SPOCK1: variants seen among roughly 807,000 people sequenced by gnomAD.
SPOCK1 encodes the protein SPARC (osteonectin), cwcv and kazal like domains proteoglycan 1.
Under a neutral mutation model 55.3 loss-of-function variants are expected in SPOCK1, and 23 were observed. That is an observed-to-expected ratio of 0.42 (90% CI 0.30 to 0.59). The LOEUF is 0.59. SPOCK1 is among the 20% of genes least tolerant of loss of function. SPOCK1 has a pLI of 0.22. For missense variants in SPOCK1, 499 were observed against 552.5 expected, an observed-to-expected ratio of 0.90 and a Z score of 0.97; for synonymous variants, 226 against 221.0, an observed-to-expected ratio of 1.02 and a Z score of -0.20.
At chr5:137,394,558 C>T (rs1384016845) in intron 2 of SPOCK1, among the ~76,000 whole-genome samples, 1 of 152,148 alleles carries the variant, frequency 6.6e-6, no homozygotes, top group Non-Finnish European at 1.5e-5. Context: ...TGCTGGTGAC[C>T]ACATGTGAAG....
At chr5:137,238,587 A>G (rs1441281008) in intron 3 of SPOCK1, among the ~76,000 whole-genome samples, 1 of 152,238 alleles carries the variant, frequency 6.6e-6, no homozygotes, top group East Asian at 1.9e-4. Context: ...AAAGGCAAAT[A>G]TTGCACAAAA....
intron 4 of SPOCK1, 105 bp from the exon 5 acceptor site, chr5:137,112,666 A>C: frequency 7.0e-7 from 1 of 1,426,514 alleles, no homozygotes; most frequent in Non-Finnish European, 9.4e-7. Flanking sequence ...GGACTATCCA[A>C]CCAGGCCAAG....
At chr5:137,076,749 C>T (rs1208700207) in intron 5 of SPOCK1, among the ~76,000 whole-genome samples, 1 of 151,918 alleles carries the variant, frequency 6.6e-6, no homozygotes, top group Non-Finnish European at 1.5e-5. Flanking sequence ...GTGTCTTATA[C>T]ATTTTTTGTT....
At chr5:136,983,127 G>A (rs1750765260) in intron 9 of SPOCK1, among the ~76,000 whole-genome samples, 1 of 152,146 alleles carries the variant, frequency 6.6e-6, no homozygotes, top group Non-Finnish European at 1.5e-5. Context: ...GAAAACAGAG[G>A]TTCCTGCCTT....
At chr5:137,231,551 TTGCA>T (rs1756064942) in intron 3 of SPOCK1, among the ~76,000 whole-genome samples, 1 of 152,254 alleles carries the variant, frequency 6.6e-6, no homozygotes, top group African/African-American at 2.4e-5. Context: ...ACCCAGGATG[TTGCA>T]TGTATCAGCA....
At chr5:137,149,519 A>G (rs1302065709) in intron 3 of SPOCK1, among the ~76,000 whole-genome samples, 1 of 152,254 alleles carries the variant, frequency 6.6e-6, no homozygotes, top group Non-Finnish European at 1.5e-5. Context: ...GGGCATAAAA[A>G]GCATAGTAAA....
At chr5:137,340,324 C>CTGGGG (rs1377414943) in intron 2 of SPOCK1, among the ~76,000 whole-genome samples, 1 of 152,190 alleles carries the variant, frequency 6.6e-6, no homozygotes, top group Non-Finnish European at 1.5e-5. Flanking sequence ...CTTCCTGGAA[C>CTGGGG]TCCCCAATAA....
intron 4 of SPOCK1, among the ~76,000 whole-genome samples, chr5:137,127,768 G>C (rs189223459): frequency 1.3e-5 from 2 of 152,256 alleles, no homozygotes; most frequent in Admixed American, 6.5e-5. Context: ...GGTTTCACAG[G>C]TTCACAGCTG....
intron 3 of SPOCK1, among the ~76,000 whole-genome samples, chr5:137,241,511 AT>A (rs1312222878): frequency 3.3e-5 from 5 of 152,262 alleles, no homozygotes; most frequent in Non-Finnish European, 7.4e-5. Flanking sequence ...CCTAAAAATC[AT>A]GTATTGGAAA....
chr5:137,224,896 CA>C (rs1755917364), intron 3 of SPOCK1, among the ~76,000 whole-genome samples: 2 of 152,142 alleles, frequency 1.3e-5, no homozygotes, highest in African/African-American at 4.8e-5. Flanking sequence ...GCTGGAAGCA[CA>C]GGCCCGGCCC....
At chr5:137,156,510 T>A (rs189631866) in intron 3 of SPOCK1, among the ~76,000 whole-genome samples, 14 of 152,152 alleles carry the variant, frequency 9.2e-5, no homozygotes, top group African/African-American at 3.4e-4. Context: ...ATAATTCATG[T>A]GTGTGTGAAG....
chr5:136,987,219 A>G (rs1472274496), intron 8 of SPOCK1, among the ~76,000 whole-genome samples: 1 of 152,130 alleles, frequency 6.6e-6, no homozygotes, highest in African/African-American at 2.4e-5. Flanking sequence ...AAGCCATAAA[A>G]TACAGAGAAG....
At chr5:137,352,369 G>A (rs1239924022) in intron 2 of SPOCK1, among the ~76,000 whole-genome samples, 10 of 152,206 alleles carry the variant, frequency 6.6e-5, no homozygotes, top group Admixed American at 6.5e-4. Flanking sequence ...TATTGTGGGG[G>A]CAGAAAAACA....
rs956842211 is a variant in SPOCK1, at chr5:136,978,352, C to G, written c.*302G>C. ...GGCTCCCTGCACTGTCAGAATTCCACGTAAATCACATGCTTGTTGGAAAAA... is the reference window on the plus strand; with the variant it reads ...GGCTCCCTGCACTGTCAGAATTCCAGGTAAATCACATGCTTGTTGGAAAAA... On this transcript the variant is annotated 3_prime_UTR_variant, in exon 11 of 11. Coordinates refer to ENST00000394945, the MANE Select transcript of SPOCK1 (RefSeq NM_004598.4). 8.3e-6 allele frequency: 3 copies of G among 360,622 alleles called. No homozygotes were observed. Among genetic ancestry groups the G allele is most frequent in the African/African-American group, 2.1e-5 (1 of 47,666 alleles). The allele number at this position is 360,622 out of a possible 1,614,324, so 22.3% of individuals were successfully genotyped here.
chr5:137,079,489 A>G (rs938819115), intron 5 of SPOCK1, among the ~76,000 whole-genome samples: 1 of 151,424 alleles, frequency 6.6e-6, no homozygotes, highest in African/African-American at 2.4e-5. Flanking sequence ...TCACAGTCCA[A>G]CAGATGGAAA....
chr5:137,004,296 G>A (rs1751202949), intron 6 of SPOCK1, among the ~76,000 whole-genome samples: 2 of 152,108 alleles, frequency 1.3e-5, no homozygotes, highest in Admixed American at 1.3e-4. Context: ...AGATAAATGA[G>A]GGTCTAGAGA....
At position 136,998,991 on chromosome 5, in the gene SPOCK1, A is replaced by G. The variant is rs147234095; in HGVS notation, c.590-6391T>C. Among the ~76,000 whole-genome samples, 613 of 152,334 alleles carry G rather than the reference A, an allele frequency of 4.0e-3. 3 individuals carry two copies. Among genetic ancestry groups the G allele is most frequent in the African/African-American group, 0.014 (587 of 41,572 alleles). On this transcript the variant is annotated intron_variant, in intron 6 of 10. Coordinates refer to ENST00000394945, the MANE Select transcript of SPOCK1 (RefSeq NM_004598.4). ...TGTAAATAAGGCACGTTCAGTCTCC[A>G]TGGAAAGTACATAGCCCTGGGAAGA...
chr5:137,478,128 T>C (rs1001076118), intron 2 of SPOCK1, among the ~76,000 whole-genome samples: 4 of 152,172 alleles, frequency 2.6e-5, no homozygotes, highest in Non-Finnish European at 4.4e-5. Flanking sequence ...AAACGGGCTA[T>C]GTGTAAGGCT....
rs116465136 is a variant in SPOCK1 at position 137,079,543 on chromosome 5, C to G, written c.475-11714G>C. On this transcript the variant is annotated intron_variant, in intron 5 of 10. Transcript: ENST00000394945. Reference sequence around the variant, plus strand: ...ACCATCCCATCTGATTCCCCCCCCCCCCGACTTAGTGAAATGTCGTACCAA... The same window carrying G: ...ACCATCCCATCTGATTCCCCCCCCCGCCGACTTAGTGAAATGTCGTACCAA... Among the ~76,000 whole-genome samples, 17 of 147,938 alleles carry G rather than the reference C, an allele frequency of 1.1e-4. 1 individual carries two copies. The highest frequency in any genetic ancestry group is 4.4e-4 in the South Asian group (2 of 4,574).
Sources: gnomAD v4.1 joint callset for allele counts (sites outside exome capture counted in the v4.1 genomes callset) on GRCh38, gnomAD v4.1.1 for gene constraint, MANE v1.5 for transcripts, NCBI Gene and HGNC (gene_info 2026-07-23, HGNC 2026-07-21) for gene names.